MACROD2: variants seen among roughly 807,000 people sequenced by gnomAD.
MACROD2 encodes mono-ADP ribosylhydrolase 2, also known as ADP-ribose glycohydrolase MACROD2.
Under a neutral mutation model 70.4 loss-of-function variants are expected in MACROD2, and 36 were observed. The observed-to-expected ratio is 0.51, with a 90% CI of 0.39 to 0.68. The LOEUF (loss-of-function observed/expected upper bound fraction) is 0.68, where lower values mean the gene tolerates loss of function less well. Ranked by LOEUF, MACROD2 falls within the 30% of genes least tolerant of loss-of-function variation. MACROD2 has a pLI of 0.00. For missense variants in MACROD2, 496 were observed against 538.4 expected (o/e 0.92, Z 0.78); for synonymous variants, 172 against 178.8 (o/e 0.96, Z 0.30).
chr20:14,136,199 A>T (rs1306163211), intron 3 of MACROD2, among the ~76,000 whole-genome samples: 1 of 152,194 alleles, frequency 6.6e-6, no homozygotes, highest in Non-Finnish European at 1.5e-5. Context: ...GCACTCAGAA[A>T]TTTCCATTTC....
chr20:15,163,380 T>A (rs1215700545), intron 5 of MACROD2, among the ~76,000 whole-genome samples: 5 of 152,006 alleles, frequency 3.3e-5, no homozygotes, highest in Non-Finnish European at 7.4e-5. Context: ...TATTAGACAA[T>A]CAAAGATTGA....
intron 5 of MACROD2, among the ~76,000 whole-genome samples, chr20:15,114,171 G>C (rs1414694552): frequency 1.3e-5 from 2 of 152,174 alleles, no homozygotes; most frequent in African/African-American, 4.8e-5. Context: ...TCCTGCATCA[G>C]ACCTCTGTCT....
intron 8 of MACROD2, among the ~76,000 whole-genome samples, chr20:15,838,448 G>T (rs746173256): frequency 6.6e-6 from 1 of 152,108 alleles, no homozygotes; most frequent in Non-Finnish European, 1.5e-5. Context: ...AGCTTTTTCT[G>T]GATTGCACAC....
chr20:14,692,454 C>T (rs1294956738), intron 5 of MACROD2, among the ~76,000 whole-genome samples: 4 of 152,148 alleles, frequency 2.6e-5, no homozygotes, highest in Non-Finnish European at 5.9e-5. Flanking sequence ...GACAAAATAA[C>T]ATTTTAAGAA....
chr20:15,999,217 C>T (rs2066675839), intron 15 of MACROD2, among the ~76,000 whole-genome samples: 1 of 152,008 alleles, frequency 6.6e-6, no homozygotes, highest in Non-Finnish European at 1.5e-5. Flanking sequence ...AAGATTCTTT[C>T]AATTTTGTGA....
intron 5 of MACROD2, among the ~76,000 whole-genome samples, chr20:15,069,295 A>G (rs1469664796): frequency 1.3e-5 from 2 of 152,230 alleles, no homozygotes; most frequent in Non-Finnish European, 2.9e-5. Flanking sequence ...TTCAATGAGA[A>G]GCAGAGCTTA....
chr20:15,504,773 A>G (rs1010355322), intron 8 of MACROD2, among the ~76,000 whole-genome samples: 3 of 152,182 alleles, frequency 2.0e-5, no homozygotes, highest in African/African-American at 7.2e-5. Context: ...CTCTAAGTGC[A>G]CCATTTTTCT....
At chr20:14,980,647 A>G (rs1600903750) in intron 5 of MACROD2, among the ~76,000 whole-genome samples, 2 of 152,148 alleles carry the variant, frequency 1.3e-5, no homozygotes, top group African/African-American at 4.8e-5. Flanking sequence ...TTAAGCTCTC[A>G]TGGTGTTTTG....
At chr20:15,411,149 TACACACACAC>T (rs55750139) in intron 6 of MACROD2, among the ~76,000 whole-genome samples, 72 of 144,184 alleles carry the variant, frequency 5.0e-4, no homozygotes, top group Non-Finnish European at 9.2e-4. Context: ...GATATGTATT[TACACACACAC>T]ACACACACAC....
chr20:14,914,362 A>G (rs2074064934), intron 5 of MACROD2, among the ~76,000 whole-genome samples: 1 of 152,172 alleles, frequency 6.6e-6, no homozygotes, highest in South Asian at 2.1e-4. Flanking sequence ...GTGGTAATGC[A>G]TATTTAAGCT....
chr20:15,126,190 G>T (rs2076065804), intron 5 of MACROD2, among the ~76,000 whole-genome samples: 1 of 130,322 alleles, frequency 7.7e-6, no homozygotes. Context: ...ATGAACATAT[G>T]TTTTCAGTTA....
At chr20:15,179,263 C>G (rs1163739330) in intron 5 of MACROD2, among the ~76,000 whole-genome samples, 1 of 152,186 alleles carries the variant, frequency 6.6e-6, no homozygotes, top group Non-Finnish European at 1.5e-5. Flanking sequence ...CACTTTACCT[C>G]ATGCTTGTGC....
chr20:15,789,097 G>C (rs1281005460), intron 8 of MACROD2, among the ~76,000 whole-genome samples: 1 of 152,178 alleles, frequency 6.6e-6, no homozygotes, highest in African/African-American at 2.4e-5. Flanking sequence ...TTCTACAGAA[G>C]TTCCAGCCTT....
At chr20:14,489,937 T>A (rs2084776470) in intron 3 of MACROD2, among the ~76,000 whole-genome samples, 1 of 151,958 alleles carries the variant, frequency 6.6e-6, no homozygotes, top group South Asian at 2.1e-4. Flanking sequence ...CTCGGCTCAC[T>A]GCCACCTCTG....
chr20:15,223,060 C>G (rs571586770), intron 5 of MACROD2, among the ~76,000 whole-genome samples: 242 of 152,214 alleles, frequency 1.6e-3, no homozygotes, highest in African/African-American at 5.7e-3. Context: ...TGGGGGAGTG[C>G]AAAGTGGTGC....
rs192611546 is a variant in MACROD2, at chr20:14,997,423, C to T, written c.419-232517C>T. Among the ~76,000 whole-genome samples the T allele has an allele frequency of 7.2e-5, 11 of 152,224 alleles. No homozygotes were observed. The East Asian group carries it at 9.7e-4, about 13-fold the overall frequency. ...ATCAGTGGTAGCCAGGTAGTACTCT[C>T]CACAGGCCTCGGGTGAGACCCAGTT... is the stretch of plus-strand genomic sequence containing the variant. On this transcript the variant is annotated intron_variant, in intron 5 of 17. Transcript: ENST00000684519.
At chr20:14,576,148 G>A (rs543711644) in intron 4 of MACROD2, among the ~76,000 whole-genome samples, 4 of 152,230 alleles carry the variant, frequency 2.6e-5, no homozygotes, top group African/African-American at 9.6e-5. Context: ...CCCCACGACT[G>A]GTATTTATGA....
At chr20:14,773,264 T>C (rs1313693059) in intron 5 of MACROD2, among the ~76,000 whole-genome samples, 1 of 152,128 alleles carries the variant, frequency 6.6e-6, no homozygotes, top group African/African-American at 2.4e-5. Context: ...ATAGATGTAT[T>C]ACTAGATATT....
intron 2 of MACROD2, among the ~76,000 whole-genome samples, chr20:14,042,531 C>T (rs1017064053): frequency 1.3e-5 from 2 of 152,168 alleles, no homozygotes; most frequent in African/African-American, 4.8e-5. Flanking sequence ...CAGAGTCTCA[C>T]GCTGTCGCCC....
Sources: allele counts gnomAD v4.1 joint callset (sites outside exome capture counted in the v4.1 genomes callset), GRCh38; gene constraint gnomAD v4.1.1; transcripts MANE v1.5; gene names NCBI Gene and HGNC (gene_info 2026-07-23, HGNC 2026-07-21).